The following FTO variants were observed in gnomAD, a reference collection of about 807,000 sequenced individuals.
The protein encoded by FTO is FTO alpha-ketoglutarate dependent dioxygenase.
Under a neutral mutation model 63.9 loss-of-function variants are expected in FTO, and 47 were observed. The observed-to-expected ratio is 0.74, with a 90% CI of 0.58 to 0.94. The LOEUF is 0.94. Ranked by LOEUF, FTO falls within the 40% of genes least tolerant of loss-of-function variation. The pLI is 0.00. For synonymous variants in FTO, 207 were observed against 224.4 expected, an observed-to-expected ratio of 0.92 and a Z score of 0.69; for missense variants, 562 against 618.1, an observed-to-expected ratio of 0.91 and a Z score of 0.96.
intron 4 of FTO, among the ~76,000 whole-genome samples, chr16:53,866,008 C>A (rs960763448): frequency 6.6e-6 from 1 of 152,090 alleles, no homozygotes; most frequent in Non-Finnish European, 1.5e-5. Flanking sequence ...AGTTTCATAC[C>A]GCTAAGTATG....
At chr16:54,047,117 TA>T (rs2085187940) in intron 8 of FTO, among the ~76,000 whole-genome samples, 1 of 94,042 alleles carries the variant, frequency 1.1e-5, no homozygotes, top group Non-Finnish European at 2.1e-5. Flanking sequence ...AAATGGGATC[TA>T]ATTAAACTAA....
At chr16:53,898,491 C>G (rs1017635417) in intron 7 of FTO, among the ~76,000 whole-genome samples, 1 of 152,170 alleles carries the variant, frequency 6.6e-6, no homozygotes, top group African/African-American at 2.4e-5. Flanking sequence ...CATTTGTTGT[C>G]TGCCTCTACC....
intron 8 of FTO, among the ~76,000 whole-genome samples, chr16:54,098,299 C>T (rs866821199): frequency 2.0e-5 from 3 of 152,258 alleles, no homozygotes; most frequent in African/African-American, 7.2e-5. Context: ...CCCTAAGTGA[C>T]CTGTTAGTGA....
chr16:53,838,364 G>T (rs2079364831), intron 3 of FTO, among the ~76,000 whole-genome samples: 1 of 152,160 alleles, frequency 6.6e-6, no homozygotes, highest in Admixed American at 6.5e-5. Flanking sequence ...AGGCTAGAGT[G>T]CAGTGGCACT....
At chr16:53,823,303 G>T (rs943814039) in intron 2 of FTO, among the ~76,000 whole-genome samples, 1 of 152,136 alleles carries the variant, frequency 6.6e-6, no homozygotes, top group Non-Finnish European at 1.5e-5. Flanking sequence ...CACTCTGCTG[G>T]TTCTCCTTTG....
At chr16:53,966,988 G>A (rs190638462) in intron 8 of FTO, among the ~76,000 whole-genome samples, 11 of 152,278 alleles carry the variant, frequency 7.2e-5, no homozygotes, top group African/African-American at 2.6e-4. Flanking sequence ...TTAATCTACT[G>A]AGTCTTCGTA....
At chr16:53,757,095 A>G (rs1026493415) in intron 1 of FTO, among the ~76,000 whole-genome samples, 2 of 152,182 alleles carry the variant, frequency 1.3e-5, no homozygotes, top group African/African-American at 4.8e-5. Flanking sequence ...TTTTTAAAAA[A>G]ATATTTTTAA....
intron 1 of FTO, among the ~76,000 whole-genome samples, chr16:53,721,233 C>T (rs1230895833): frequency 6.6e-6 from 1 of 152,168 alleles, no homozygotes; most frequent in African/African-American, 2.4e-5. Flanking sequence ...GTGAAATGCA[C>T]ATGCGTAACT....
chr16:53,900,881 G>A (rs1483230472), intron 7 of FTO, among the ~76,000 whole-genome samples: 1 of 152,084 alleles, frequency 6.6e-6, no homozygotes, highest in African/African-American at 2.4e-5. Flanking sequence ...ATGGAGTTTG[G>A]TTTGTGTGAG....
rs555221152 is a variant in FTO at position 53,956,863 on chromosome 16, C to G, written c.1364+22754C>G. On this transcript the variant is annotated intron_variant, in intron 8 of 8. Transcript: ENST00000471389. Reference sequence around the variant, plus strand: ...TATTTTTAGTAGAGACGGGGTTTCTCCATGTTGGTCAGGCTGGTCTCGAAC... The same window carrying G: ...TATTTTTAGTAGAGACGGGGTTTCTGCATGTTGGTCAGGCTGGTCTCGAAC... 2.0e-5 allele frequency: 3 copies of G among 152,172 alleles called. No homozygotes were observed. The East Asian group carries it at 5.8e-4, about 29-fold the overall frequency. 9.4% of individuals were successfully genotyped at this position (152,172 alleles called of 1,614,324 possible).
chr16:53,930,385 G>T (rs557765885), intron 7 of FTO, among the ~76,000 whole-genome samples: 1 of 151,560 alleles, frequency 6.6e-6, no homozygotes, highest in South Asian at 2.1e-4. Flanking sequence ...CACCACGCCC[G>T]GCTAATTTTT....
chr16:54,037,025 G>A (rs1281208699), intron 8 of FTO, among the ~76,000 whole-genome samples: 2 of 152,186 alleles, frequency 1.3e-5, no homozygotes, highest in African/African-American at 2.4e-5. Context: ...AACTGCCACT[G>A]TATCTTTGGG....
chr16:53,815,226 A>G (rs2078641803), intron 2 of FTO, among the ~76,000 whole-genome samples: 3 of 152,140 alleles, frequency 2.0e-5, no homozygotes, highest in Non-Finnish European at 4.4e-5. Context: ...TGTCACTTAC[A>G]TTTTAATAAG....
At chr16:53,911,886 C>G (rs182836851) in intron 7 of FTO, among the ~76,000 whole-genome samples, 10 of 152,290 alleles carry the variant, frequency 6.6e-5, no homozygotes, top group Non-Finnish European at 1.3e-4. Flanking sequence ...GGCATAAAAA[C>G]AGATTGTTGA....
At chr16:54,077,209 C>G (rs899328705) in intron 8 of FTO, among the ~76,000 whole-genome samples, 41 of 152,248 alleles carry the variant, frequency 2.7e-4, no homozygotes, top group African/African-American at 9.6e-4. Context: ...GTGGAGAAAG[C>G]CCTCACGTGG....
At chr16:54,095,008 C>T (rs550465669) in intron 8 of FTO, among the ~76,000 whole-genome samples, 2 of 152,272 alleles carry the variant, frequency 1.3e-5, no homozygotes, top group South Asian at 2.1e-4. Context: ...CATCCCCTCT[C>T]TTTGCCCCCT....
chr16:54,028,399 G>A (rs528559100), intron 8 of FTO, among the ~76,000 whole-genome samples: 1 of 152,258 alleles, frequency 6.6e-6, no homozygotes, highest in African/African-American at 2.4e-5. Context: ...TCATGAACCT[G>A]CCCATGTAAT....
At chr16:54,028,597 T>G (rs1213138412) in intron 8 of FTO, among the ~76,000 whole-genome samples, 1 of 152,238 alleles carries the variant, frequency 6.6e-6, no homozygotes, top group African/African-American at 2.4e-5. Flanking sequence ...CACTAAAATC[T>G]GTGTCCCATT....
chr16:54,064,242 T>C (rs2085664938), intron 8 of FTO, among the ~76,000 whole-genome samples: 1 of 152,214 alleles, frequency 6.6e-6, no homozygotes, highest in Non-Finnish European at 1.5e-5. Flanking sequence ...CATTTATTCT[T>C]TCTATGTAGG....
Sources: allele counts gnomAD v4.1 joint callset (sites outside exome capture counted in the v4.1 genomes callset), GRCh38; gene constraint gnomAD v4.1.1; transcripts MANE v1.5; gene names NCBI Gene and HGNC (gene_info 2026-07-23, HGNC 2026-07-21).